PPP2R2B: variants seen among roughly 807,000 people sequenced by gnomAD.
PPP2R2B encodes protein phosphatase 2 regulatory subunit Bbeta.
PPP2R2B carries 5 observed loss-of-function variants against 46.0 expected under a neutral mutation model. That is an observed-to-expected ratio of 0.11 (90% CI 0.06 to 0.23). The LOEUF (loss-of-function observed/expected upper bound fraction) is 0.23. Among genes scored for constraint, PPP2R2B ranks in the 10% least tolerant of loss-of-function variants. PPP2R2B has a pLI of 1.00. For missense variants in PPP2R2B, 367 were observed against 575.0 expected (o/e 0.64, Z 3.70); for synonymous variants, 215 against 206.7 (o/e 1.04, Z -0.34).
At chr5:146,623,433 G>C (rs1280985552) in intron 7 of PPP2R2B, among the ~76,000 whole-genome samples, 1 of 152,144 alleles carries the variant, frequency 6.6e-6, no homozygotes, top group African/African-American at 2.4e-5. Context: ...GTGTACAAAG[G>C]CAGTAATTGC....
chr5:146,987,068 C>T lies in PPP2R2B; in HGVS notation c.79+68597G>A, dbSNP rs541779802. On this transcript the variant is annotated intron_variant, in intron 1 of 8. Transcript: ENST00000336640. ...ATATGTCTGGCAGCAGGTTACACAGCAAAAACCTTATAGTCCAGAAGGGAG... is the reference window on the plus strand; with the variant it reads ...ATATGTCTGGCAGCAGGTTACACAGTAAAAACCTTATAGTCCAGAAGGGAG... Among the ~76,000 whole-genome samples, 26 of 152,142 alleles carry T rather than the reference C, an allele frequency of 1.7e-4. No homozygotes were observed. In the South Asian group the frequency reaches 3.5e-3, roughly 21 times the overall value.
At chr5:146,905,346 A>G (rs1006607614) in intron 1 of PPP2R2B, among the ~76,000 whole-genome samples, 8 of 152,252 alleles carry the variant, frequency 5.3e-5, no homozygotes, top group Admixed American at 3.3e-4. Flanking sequence ...GAGAAATAAA[A>G]GCATGTCCAC....
rs563440627 is a variant in PPP2R2B, at chr5:146,590,936, A to G, written c.1053-710T>C. Among the ~76,000 whole-genome samples, 21 of 147,308 alleles carry G rather than the reference A, an allele frequency of 1.4e-4. No homozygotes were observed. The South Asian group carries it at 4.4e-3, about 31-fold the overall frequency. On this transcript the variant is annotated intron_variant, in intron 9 of 9. Coordinates refer to ENST00000394411, the MANE Select transcript of PPP2R2B (RefSeq NM_181675.4). ...ATGGTTTTTTTCCCACACTTAATGG[A>G]CAGATGGTTTCCACATTTTTATAAG...
chr5:147,021,267 A>C (rs1755251728), intron 1 of PPP2R2B, among the ~76,000 whole-genome samples: 1 of 152,184 alleles, frequency 6.6e-6, no homozygotes, highest in Non-Finnish European at 1.5e-5. Flanking sequence ...CCCTGGGGTA[A>C]GAAAGGGGCA....
chr5:146,940,321 T>C (rs966573191), intron 1 of PPP2R2B, among the ~76,000 whole-genome samples: 7 of 152,174 alleles, frequency 4.6e-5, no homozygotes, highest in Non-Finnish European at 7.3e-5. Context: ...TTGATTCAAA[T>C]GTGAACATCT....
At chr5:146,607,702 A>G (rs2151030109) in intron 7 of PPP2R2B, 1 of 152,352 alleles carries the variant, frequency 6.6e-6, no homozygotes, top group Middle Eastern at 3.4e-3. Context: ...AGACAGGAAA[A>G]ACAGACCAAA....
In PPP2R2B at chr5:146,918,815, G is replaced by T. The variant is rs192905890; in HGVS notation, c.79+136850C>A. On this transcript the variant is annotated intron_variant, in intron 1 of 8. Coordinates refer to the PPP2R2B transcript ENST00000336640. ...ACCTTACTATTTTTTTTCCTGAAGA[G>T]GCTATCTCCAGTTTTCCCTGTTGTT... Among the ~76,000 whole-genome samples the T allele has an allele frequency of 9.2e-5, 14 of 152,070 alleles. No individual in the cohort carries two copies. The East Asian group carries it at 2.5e-3, about 27-fold the overall frequency.
At chr5:146,722,590 C>A (rs958244935) in intron 2 of PPP2R2B, among the ~76,000 whole-genome samples, 1 of 152,206 alleles carries the variant, frequency 6.6e-6, no homozygotes. Context: ...ACAGCTTCAT[C>A]TAACAGAAGT....
chr5:146,705,228 G>C (rs1779763793), intron 2 of PPP2R2B, among the ~76,000 whole-genome samples: 1 of 152,174 alleles, frequency 6.6e-6, no homozygotes, highest in Admixed American at 6.5e-5. Flanking sequence ...TACCCTACTT[G>C]CATCAGCTGA....
intron 2 of PPP2R2B, among the ~76,000 whole-genome samples, chr5:146,711,313 C>G (rs987510399): frequency 2.0e-5 from 3 of 151,918 alleles, no homozygotes; most frequent in African/African-American, 7.3e-5. Context: ...CTGAAGAGAG[C>G]CAATACCAAA....
intron 2 of PPP2R2B, among the ~76,000 whole-genome samples, chr5:146,808,187 G>C (rs1757304858): frequency 6.6e-6 from 1 of 152,014 alleles, no homozygotes; most frequent in African/African-American, 2.4e-5. Flanking sequence ...TTTTAGGTTT[G>C]TGCCGTCCAA....
chr5:146,881,307 A>G (rs1456206655), upstream of PPP2R2B, among the ~76,000 whole-genome samples: 1 of 145,322 alleles, frequency 6.9e-6, no homozygotes, highest in Non-Finnish European at 1.5e-5. Flanking sequence ...CTGCCTCCAC[A>G]TTTTTTTTTT....
rs551323482 is a variant in PPP2R2B, at chr5:146,856,418, A to C, written c.70+21584T>G. 3.2e-5 allele frequency: 36 copies of C among 1,111,842 alleles called. No individual in the cohort carries two copies. In the African/African-American group the frequency reaches 5.3e-4, roughly 16 times the overall value. 68.9% of individuals were successfully genotyped at this position (1,111,842 alleles called of 1,614,324 possible). A position where few individuals can be genotyped will look rare whatever the true frequency, so the allele number is the denominator to read the frequency against. On this transcript the variant is annotated intron_variant, in intron 2 of 9. Transcript: ENST00000394411. ...AATTAACTTGTGTCCCACGGAACAA[A>C]TTTTAAGCAATTGGAACTATTTAAC...
At position 146,878,125 on chromosome 5, in the gene PPP2R2B, A is replaced by T; in HGVS notation, c.-54T>A. On this transcript the variant is annotated 5_prime_UTR_variant, in exon 2 of 10. Transcript: ENST00000394411. The surrounding 1 kb of genome is among the most constrained non-coding windows in gnomAD (Gnocchi z 4.5). Reference sequence around the variant, plus strand: ...AGAAGCCGGCAGACAAGTATCCATGATCCCTCCCCGCAGCCAGTCTCACAG... The same window carrying T: ...AGAAGCCGGCAGACAAGTATCCATGTTCCCTCCCCGCAGCCAGTCTCACAG... 1 of 1,613,028 alleles carries T rather than the reference A, an allele frequency of 6.2e-7. No homozygotes were observed. Among genetic ancestry groups the T allele is most frequent in the Non-Finnish European group, 8.5e-7 (1 of 1,179,550 alleles).
intron 1 of PPP2R2B, among the ~76,000 whole-genome samples, chr5:146,946,364 T>C (rs1764482835): frequency 6.6e-6 from 1 of 152,116 alleles, no homozygotes; most frequent in South Asian, 2.1e-4. Flanking sequence ...ACATGCCAAG[T>C]GATGCTTGAA....
chr5:146,788,113 G>C (rs556780918), intron 2 of PPP2R2B, among the ~76,000 whole-genome samples: 1 of 152,220 alleles, frequency 6.6e-6, no homozygotes, highest in South Asian at 2.1e-4. Context: ...GCCGTTGTGT[G>C]AGCATTTGCG....
At chr5:146,722,197 T>C (rs1171393204) in intron 2 of PPP2R2B, among the ~76,000 whole-genome samples, 4 of 152,190 alleles carry the variant, frequency 2.6e-5, no homozygotes, top group Non-Finnish European at 5.9e-5. Flanking sequence ...ACTGAAGACC[T>C]GCTATATGTT....
At position 146,691,074 on chromosome 5, in the gene PPP2R2B, A is replaced by G. The variant is rs1176416988; in HGVS notation, c.447+54T>C. The G allele has an allele frequency of 4.6e-6, 7 of 1,525,580 alleles. No homozygotes were observed. The East Asian group carries it at 6.8e-5, about 15-fold the overall frequency. The allele number at this position is 1,525,580 out of a possible 1,614,324, so 94.5% of individuals were successfully genotyped here. A position where few individuals can be genotyped will look rare whatever the true frequency, so the allele number is the denominator to read the frequency against. ...TACAGTAACAACCAGCACATGGCCA[A>G]CCTTAGGAGACCTGCCCCTGACTGT... On this transcript the variant is annotated intron_variant, in intron 5 of 9. Transcript: ENST00000394411.
intron 2 of PPP2R2B, among the ~76,000 whole-genome samples, chr5:146,833,014 G>A (rs1390866245): frequency 6.6e-6 from 1 of 151,752 alleles, no homozygotes; most frequent in Non-Finnish European, 1.5e-5. Flanking sequence ...GATAGGGAAG[G>A]TATTTCATTC....
Sources: allele counts gnomAD v4.1 joint callset (sites outside exome capture counted in the v4.1 genomes callset), GRCh38; gene constraint gnomAD v4.1.1; non-coding constraint Gnocchi (gnomAD v3.1); transcripts MANE v1.5; gene names NCBI Gene and HGNC (gene_info 2026-07-23, HGNC 2026-07-21).